Variants in ZNF407 observed in about 807,000 individuals in gnomAD.
ZNF407 encodes zinc finger protein 407.
In ZNF407, 17 loss-of-function variants were observed where a neutral mutation model predicts 131.2. The observed-to-expected ratio is 0.13, with a 90% CI of 0.09 to 0.19. The LOEUF (loss-of-function observed/expected upper bound fraction) is 0.19. Ranked by LOEUF, ZNF407 falls within the 10% of genes least tolerant of loss-of-function variation. The pLI is 1.00. For synonymous variants in ZNF407, 1,156 were observed against 1,062.0 expected, an observed-to-expected ratio of 1.09 and a Z score of -1.72; for missense variants, 2,681 against 2,830.6, an observed-to-expected ratio of 0.95 and a Z score of 1.20.
At chr18:74,728,460 G>T (rs1025526060) in intron 3 of ZNF407, among the ~76,000 whole-genome samples, 13 of 152,180 alleles carry the variant, frequency 8.5e-5, no homozygotes, top group Admixed American at 7.2e-4. Flanking sequence ...TGAAACACAG[G>T]CTCTGGGGTT....
At chr18:74,715,826 T>C (rs1041403722) in intron 3 of ZNF407, among the ~76,000 whole-genome samples, 3 of 152,208 alleles carry the variant, frequency 2.0e-5, no homozygotes, top group African/African-American at 7.2e-5. Context: ...GTTCTTAGCA[T>C]ATTTTGACCT....
At chr18:74,742,433 G>A (rs190227483) in intron 3 of ZNF407, among the ~76,000 whole-genome samples, 2 of 152,134 alleles carry the variant, frequency 1.3e-5, no homozygotes, top group Admixed American at 6.6e-5. Flanking sequence ...TGACGTTGCT[G>A]ACTTCAGTTG....
chr18:74,781,361 C>A, intron 3 of ZNF407, 67 bp from the exon 4 acceptor site: 1 of 1,123,742 alleles, frequency 8.9e-7, no homozygotes, highest in Non-Finnish European at 1.3e-6. Flanking sequence ...TTCTTAAGTT[C>A]TCTTTGTACA....
intron 4 of ZNF407, among the ~76,000 whole-genome samples, chr18:74,792,113 G>A (rs1568217736): frequency 6.6e-6 from 1 of 152,100 alleles, no homozygotes; most frequent in Admixed American, 6.5e-5. Context: ...TGAAACTGAT[G>A]TGGATTTACA....
intron 3 of ZNF407, among the ~76,000 whole-genome samples, chr18:74,647,923 G>A (rs1985048717): frequency 6.6e-6 from 1 of 152,112 alleles, no homozygotes. Context: ...CTTAAAGGAT[G>A]AGGGGCCATT....
chr18:74,692,471 G>A (rs1036328114), intron 3 of ZNF407, among the ~76,000 whole-genome samples: 4 of 152,102 alleles, frequency 2.6e-5, no homozygotes, highest in Non-Finnish European at 5.9e-5. Context: ...GTTGGCGGTT[G>A]CTGTGCTAGA....
At chr18:74,818,836 AT>A (rs1206005867) in intron 4 of ZNF407, among the ~76,000 whole-genome samples, 1 of 144,020 alleles carries the variant, frequency 6.9e-6, no homozygotes, top group African/African-American at 2.5e-5. Flanking sequence ...TTTTCATTGT[AT>A]TTAACTGGTT....
intron 3 of ZNF407, among the ~76,000 whole-genome samples, chr18:74,743,899 T>C (rs1223680045): frequency 6.6e-6 from 1 of 152,176 alleles, no homozygotes; most frequent in African/African-American, 2.4e-5. Flanking sequence ...CTTTTAAAAC[T>C]TTTAGAAAAG....
At chr18:74,919,097 G>T (rs1971811923) in intron 7 of ZNF407, among the ~76,000 whole-genome samples, 1 of 152,162 alleles carries the variant, frequency 6.6e-6, no homozygotes, top group African/African-American at 2.4e-5. Flanking sequence ...TGCACCCTCT[G>T]TCTGGGGAAT....
At chr18:75,046,852 T>C (rs1973441498) in intron 8 of ZNF407, among the ~76,000 whole-genome samples, 1 of 152,166 alleles carries the variant, frequency 6.6e-6, no homozygotes, top group South Asian at 2.1e-4. Flanking sequence ...GAATTTGGCA[T>C]TTGCCTCCCG....
At chr18:74,712,698 A>G (rs945066629) in intron 3 of ZNF407, among the ~76,000 whole-genome samples, 5 of 152,226 alleles carry the variant, frequency 3.3e-5, no homozygotes, top group South Asian at 2.1e-4. Context: ...GTAGAGGACT[A>G]TTGGGTAGAT....
intron 3 of ZNF407, among the ~76,000 whole-genome samples, chr18:74,661,217 CTG>C (rs1985699791): frequency 6.6e-6 from 1 of 151,948 alleles, no homozygotes; most frequent in African/African-American, 2.4e-5. Flanking sequence ...AATCAATGTG[CTG>C]TGTAGCCTGC....
At chr18:74,894,471 G>A (rs1450667280) in intron 7 of ZNF407, among the ~76,000 whole-genome samples, 3 of 152,104 alleles carry the variant, frequency 2.0e-5, no homozygotes, top group Non-Finnish European at 1.5e-5. Context: ...GTAAGTAAAC[G>A]TTGGAATAGC....
intron 4 of ZNF407, among the ~76,000 whole-genome samples, chr18:74,865,614 C>T (rs1195043569): frequency 6.6e-6 from 1 of 151,978 alleles, no homozygotes; most frequent in Non-Finnish European, 1.5e-5. Context: ...TCCACATGGC[C>T]TTTTGTTGCA....
At chr18:74,700,985 T>C (rs1967479624) in intron 3 of ZNF407, among the ~76,000 whole-genome samples, 1 of 152,160 alleles carries the variant, frequency 6.6e-6, no homozygotes, top group Non-Finnish European at 1.5e-5. Flanking sequence ...ATAGGGCCTA[T>C]AGGGGGTAGT....
At chr18:74,940,240 C>G (rs1972081538) in intron 8 of ZNF407, among the ~76,000 whole-genome samples, 1 of 152,184 alleles carries the variant, frequency 6.6e-6, no homozygotes, top group Admixed American at 6.5e-5. Flanking sequence ...ACCAGTAGAG[C>G]ATGAGATGAC....
chr18:74,626,144 C>T (rs750197304), intron 1 of ZNF407, among the ~76,000 whole-genome samples: 1 of 152,206 alleles, frequency 6.6e-6, no homozygotes. Context: ...AGTGCCATCA[C>T]TAGGCATCAG....
intron 4 of ZNF407, among the ~76,000 whole-genome samples, chr18:74,785,485 C>CT (rs1969685380): frequency 1.3e-5 from 2 of 152,228 alleles, no homozygotes; most frequent in African/African-American, 4.8e-5. Context: ...AATGTAATTG[C>CT]GGAGAGATGT....
chr18:74,888,319 T>C (rs1248412195), intron 6 of ZNF407, among the ~76,000 whole-genome samples: 1 of 152,130 alleles, frequency 6.6e-6, no homozygotes, highest in East Asian at 1.9e-4. Context: ...ACATGTATAA[T>C]ATTGTTTCCT....
Sources: gnomAD v4.1 joint callset for allele counts (sites outside exome capture counted in the v4.1 genomes callset) on GRCh38, gnomAD v4.1.1 for gene constraint, MANE v1.5 for transcripts, NCBI Gene and HGNC (gene_info 2026-07-23, HGNC 2026-07-21) for gene names.